CDC34: variants seen among roughly 807,000 people sequenced by gnomAD.
CDC34 encodes the protein ubiquitin-conjugating enzyme E2 R1.
A neutral mutation model predicts 26.8 loss-of-function variants in CDC34; 18 were observed. The observed-to-expected ratio is 0.67, with a 90% confidence interval of 0.47 to 1.00. CDC34 has a LOEUF of 1.00. Among genes scored for constraint, CDC34 ranks in the 50% least tolerant of loss-of-function variants. The pLI is 0.00. For missense variants in CDC34, 280 were observed against 334.5 expected, an observed-to-expected ratio of 0.84 and a Z score of 1.27; for synonymous variants, 178 against 147.5, an observed-to-expected ratio of 1.21 and a Z score of -1.50.
At position 531,988 on chromosome 19, in the gene CDC34, G is replaced by T; in HGVS notation, c.57G>T (p.Gly19=). The T allele has an allele frequency of 6.7e-7, 1 of 1,493,288 alleles. No individual in the cohort carries two copies. The highest frequency in any genetic ancestry group is 8.9e-7 in the Non-Finnish European group (1 of 1,128,792). The allele number at this position is 1,493,288 out of a possible 1,614,324, so 92.5% of individuals were successfully genotyped here. ...AGGCGCTGCTGCTGGAGCTCAAGGG[G>T]CTGCAGGAAGAGCCGGTCGAGGGAT... ...SQKALLLELK[G]LQEEPVEGFR... is the part of the protein sequence containing the mutation. The change falls in exon 1 of 5, where the codon GGG becomes GGT. Residue 19 remains glycine (G), a synonymous_variant. Transcript: ENST00000215574.
chr19:541,573 C>G lies in CDC34; in HGVS notation c.*21C>G, dbSNP rs747570195. ...CCTGACACCACCAGAATAAACTTGCCGAGTTTACCTCACTAGGGCCGGACC... is the reference window on the plus strand; with the variant it reads ...CCTGACACCACCAGAATAAACTTGCGGAGTTTACCTCACTAGGGCCGGACC... On this transcript the variant is annotated 3_prime_UTR_variant, in exon 5 of 5. Transcript: ENST00000215574. The G allele has an allele frequency of 1.9e-6, 3 of 1,547,636 alleles. No homozygotes were observed. Among genetic ancestry groups the G allele is most frequent in the African/African-American group, 2.7e-5 (2 of 73,092 alleles).
intron 3 of CDC34, chr19:536,787 G>T: frequency 6.8e-6 from 4 of 585,680 alleles, no homozygotes; most frequent in Admixed American, 6.0e-5. Flanking sequence ...TCTGACGGAG[G>T]GGTCTGCACC....
At position 537,651 on chromosome 19, in the gene CDC34, C is replaced by CTTTT. The variant is rs773623358; in HGVS notation, c.497+522_497+525dup. On this transcript the variant is annotated intron_variant, in intron 4 of 4. Transcript: ENST00000215574. ...ACAGGCGTGAGCCACCGCGGCCGGC[C>CTTTT]TTTTTTTTTTTTTTTTTTTTTGGAG... Among the ~76,000 whole-genome samples, 72 of 67,086 alleles carry CTTTT rather than the reference C, an allele frequency of 1.1e-3. 1 individual carries two copies. Among genetic ancestry groups the CTTTT allele is most frequent in the African/African-American group, 3.3e-3 (60 of 18,384 alleles). The allele number at this position is 67,086 out of a possible 152,430, so 44.0% of individuals were successfully genotyped here.
intron 4 of CDC34, among the ~76,000 whole-genome samples, chr19:537,445 C>T (rs1013546498): frequency 2.6e-5 from 4 of 152,060 alleles, no homozygotes; most frequent in African/African-American, 9.7e-5. Context: ...CTCCGCCTCC[C>T]GGGTTCACGC....
intron 4 of CDC34, among the ~76,000 whole-genome samples, chr19:538,371 C>T (rs894668132): frequency 6.6e-6 from 1 of 152,236 alleles, no homozygotes; most frequent in Non-Finnish European, 1.5e-5. Flanking sequence ...CTCCCATCGC[C>T]CTCATGCCCC....
At chr19:537,262 G>T in intron 4 of CDC34, 115 bp downstream of exon 4, 1 of 1,243,360 alleles carries the variant, frequency 8.0e-7, no homozygotes. Context: ...GGAGCTTCCT[G>T]GTGCCCATTT....
chr19:533,680 G>C (rs372336362), intron 1 of CDC34, among the ~76,000 whole-genome samples: 5 of 152,246 alleles, frequency 3.3e-5, no homozygotes, highest in African/African-American at 4.8e-5. Flanking sequence ...CCACCAGACC[G>C]GTTGCCAGGG....
At chr19:535,248 A>G (rs16990545) in intron 1 of CDC34, among the ~76,000 whole-genome samples, 1,801 of 152,270 alleles carry the variant, frequency 0.012, 23 homozygotes, top group South Asian at 0.021. Flanking sequence ...TCTGTGACCT[A>G]TGGGTCTGCC....
At chr19:533,237 C>T (rs2145845120) in intron 1 of CDC34, among the ~76,000 whole-genome samples, 1 of 152,312 alleles carries the variant, frequency 6.6e-6, no homozygotes, top group Middle Eastern at 3.4e-3. Flanking sequence ...CTCCCCCTCC[C>T]ACCGTCACTT....
chr19:539,765 T>A (rs2145852231), intron 4 of CDC34, among the ~76,000 whole-genome samples: 1 of 152,324 alleles, frequency 6.6e-6, no homozygotes, highest in East Asian at 1.9e-4. Context: ...CTGGCCCTGC[T>A]GTGCCACCCC....
At chr19:536,399 C>T (rs1218530131) in intron 3 of CDC34, 59 bp downstream of exon 3, 37 of 1,298,074 alleles carry the variant, frequency 2.9e-5, no homozygotes, top group African/African-American at 1.0e-4. Context: ...GGCTCCGTCC[C>T]GTATCCACCC....
intron 4 of CDC34, chr19:538,859 G>T: frequency 1.0e-6 from 1 of 985,262 alleles, no homozygotes. Flanking sequence ...GAGGTCACAG[G>T]GTAGCTGCCC....
chr19:537,210 G>C (rs909354562), intron 4 of CDC34, 63 bp downstream of exon 4: 8 of 1,580,996 alleles, frequency 5.1e-6, no homozygotes, highest in Non-Finnish European at 6.0e-6. Flanking sequence ...CCCGGCCCCT[G>C]GTCCCACGGC....
At chr19:541,081 C>T (rs565142831) in intron 4 of CDC34, 6 of 442,928 alleles carry the variant, frequency 1.4e-5, no homozygotes, top group South Asian at 3.9e-5. Context: ...GGTTGTGCTT[C>T]GGGGCGGGGC....
chr19:535,830 C>G lies in CDC34; in HGVS notation c.178-7C>G. 1 of 1,612,636 alleles carries G rather than the reference C, an allele frequency of 6.2e-7. No individual in the cohort carries two copies. The highest frequency in any genetic ancestry group is 8.5e-7 in the Non-Finnish European group (1 of 1,179,156). On this transcript the variant is annotated splice_region_variant and splice_polypyrimidine_tract_variant and intron_variant, in intron 1 of 4. Coordinates refer to ENST00000215574, the MANE Select transcript of CDC34 (RefSeq NM_004359.2). ...TGGACTGAGCCACCTGCCTTCTGCC[C>G]CTGCAGGCGCGCCTCAAGTTCCCCA...
At chr19:534,266 G>A (rs528972506) in intron 1 of CDC34, among the ~76,000 whole-genome samples, 91 of 152,116 alleles carry the variant, frequency 6.0e-4, no homozygotes, top group African/African-American at 2.0e-3. Flanking sequence ...CTTGCCTTAC[G>A]GGGCACCAGT....
intron 4 of CDC34, chr19:538,670 C>T (rs1600428250): frequency 5.1e-6 from 5 of 975,886 alleles, no homozygotes; most frequent in South Asian, 4.7e-5. Context: ...GTGTCTTCCT[C>T]GCCCCAGGAC....
At chr19:536,905 G>T (rs760276705) in intron 3 of CDC34, 108 bp from the exon 4 acceptor site, 3 of 1,292,500 alleles carry the variant, frequency 2.3e-6, no homozygotes, top group Non-Finnish European at 3.3e-6. Context: ...GCCAGGTGAA[G>T]GTCACCTGCT....
chr19:539,332 C>T (rs1979906127), intron 4 of CDC34, among the ~76,000 whole-genome samples: 1 of 151,380 alleles, frequency 6.6e-6, no homozygotes, highest in African/African-American at 2.4e-5. Context: ...GCGGTGCCGT[C>T]CCCGGGGCAC....
Sources: allele counts gnomAD v4.1 joint callset (sites outside exome capture counted in the v4.1 genomes callset), GRCh38; gene constraint gnomAD v4.1.1; transcripts MANE v1.5; gene names NCBI Gene and HGNC (gene_info 2026-07-23, HGNC 2026-07-21).